The following AUTS2 variants were observed in gnomAD, a reference collection of about 807,000 sequenced individuals.
AUTS2 encodes activator of transcription and developmental regulator AUTS2, also known as autism susceptibility gene 2 protein.
In AUTS2, 17 loss-of-function variants were observed where a neutral mutation model predicts 112.4. The ratio of observed to expected loss-of-function variants is 0.15; its 90% CI spans 0.10 to 0.23. The LOEUF (loss-of-function observed/expected upper bound fraction) is 0.23, where lower values mean the gene tolerates loss of function less well. Ranked by LOEUF, AUTS2 falls within the 10% of genes least tolerant of loss-of-function variation. The pLI is 1.00. For synonymous variants in AUTS2, 751 were observed against 702.7 expected (o/e 1.07, Z -1.09); for missense variants, 1,510 against 1,701.6 (o/e 0.89, Z 1.98).
intron 5 of AUTS2, among the ~76,000 whole-genome samples, chr7:70,439,464 G>A (rs918879831): frequency 1.5e-4 from 22 of 151,514 alleles, no homozygotes; most frequent in African/African-American, 3.9e-4. Context: ...GCTTGAACCC[G>A]GGAGGCGGAA....
At chr7:70,227,733 A>G (rs1036161483) in intron 4 of AUTS2, among the ~76,000 whole-genome samples, 1 of 152,108 alleles carries the variant, frequency 6.6e-6, no homozygotes, top group Non-Finnish European at 1.5e-5. Flanking sequence ...ATATTTCAAA[A>G]TATTTGTGAA....
rs767148078 is a variant in AUTS2, at chr7:70,777,114, G to A, written c.1944G>A (p.Lys648=). 9.9e-6 allele frequency: 16 copies of A among 1,614,142 alleles called. No individual in the cohort carries two copies. The highest frequency in any genetic ancestry group is 1.4e-5 in the Non-Finnish European group (16 of 1,180,018). Residue 648 remains lysine, a synonymous_variant, in exon 14 of 19, where the codon AAG becomes AAA. Coordinates refer to ENST00000342771, the MANE Select transcript of AUTS2 (RefSeq NM_015570.4). The stretch of plus-strand genomic sequence containing the variant: ...CTTTCTTGTTCCAGAAACCAGGGAA[G>A]TGGTGTGCTATGCATGTTCACATCG... ...PFRPMLRKPG[K]WCAMHVHIAW...
chr7:70,693,955 G>GGAGGGGCGGC (rs1327819308), intron 5 of AUTS2: 4 of 151,980 alleles, frequency 2.6e-5, no homozygotes, highest in Non-Finnish European at 5.9e-5. Context: ...GGGGACGAGA[G>GGAGGGGCGGC]GAGGGGCGGC....
At chr7:70,391,509 A>C (rs1793855618) in intron 4 of AUTS2, among the ~76,000 whole-genome samples, 1 of 152,162 alleles carries the variant, frequency 6.6e-6, no homozygotes, top group Non-Finnish European at 1.5e-5. Context: ...TCAGGCCCTC[A>C]CAATAAGAGA....
chr7:70,018,458 G>C (rs892354147), intron 2 of AUTS2, among the ~76,000 whole-genome samples: 5 of 152,184 alleles, frequency 3.3e-5, no homozygotes, highest in Non-Finnish European at 7.4e-5. Flanking sequence ...GAAACCAAGA[G>C]TAGTTAGGTG....
At chr7:69,721,283 C>T (rs564565990) in intron 1 of AUTS2, among the ~76,000 whole-genome samples, 2 of 152,298 alleles carry the variant, frequency 1.3e-5, no homozygotes, top group South Asian at 2.1e-4. Flanking sequence ...CTAGAATGCT[C>T]TTACCCTCAA....
At chr7:70,626,688 C>T (rs1411284286) in intron 5 of AUTS2, among the ~76,000 whole-genome samples, 1 of 152,104 alleles carries the variant, frequency 6.6e-6, no homozygotes, top group East Asian at 1.9e-4. Flanking sequence ...CTCATAGACC[C>T]CAATGTCTAT....
At chr7:69,996,946 TAAAAAAAAA>T (rs1161825217) in intron 2 of AUTS2, among the ~76,000 whole-genome samples, 2 of 99,034 alleles carry the variant, frequency 2.0e-5, no homozygotes, top group Admixed American at 1.1e-4. Context: ...CTGGAACACT[TAAAAAAAAA>T]AAAAAAAAAG....
chr7:69,824,410 A>G (rs1791148109), intron 1 of AUTS2, among the ~76,000 whole-genome samples: 1 of 148,848 alleles, frequency 6.7e-6, no homozygotes, highest in Admixed American at 6.7e-5. Flanking sequence ...TTCTGTCTCA[A>G]AAAAAAAAAA....
At chr7:70,175,940 G>A (rs997340202) in intron 4 of AUTS2, among the ~76,000 whole-genome samples, 3 of 152,088 alleles carry the variant, frequency 2.0e-5, no homozygotes, top group African/African-American at 7.2e-5. Flanking sequence ...TCATTTTATT[G>A]TGGTGGTTTG....
At chr7:69,608,780 A>G (rs759623376) in intron 1 of AUTS2, among the ~76,000 whole-genome samples, 20 of 152,242 alleles carry the variant, frequency 1.3e-4, no homozygotes, top group Non-Finnish European at 2.4e-4. Context: ...ATGATTTTAT[A>G]TAGTTGACAT....
At chr7:70,118,087 C>A (rs1805477215) in intron 2 of AUTS2, 45 bp from the exon 3 acceptor site, 6 of 1,558,656 alleles carry the variant, frequency 3.8e-6, no homozygotes, top group Non-Finnish European at 5.2e-6. Context: ...AACTAAGAAG[C>A]AGACCACTAA....
At chr7:69,671,483 GCTGGTGTGTGT>G (rs753310402) in intron 1 of AUTS2, among the ~76,000 whole-genome samples, 78 of 135,966 alleles carry the variant, frequency 5.7e-4, no homozygotes, top group African/African-American at 2.0e-3. Flanking sequence ...TGCTGCTGCT[GCTGGTGTGTGT>G]GTGTGTGTGT....
At chr7:70,453,610 T>C (rs544681751) in intron 5 of AUTS2, among the ~76,000 whole-genome samples, 89 of 152,334 alleles carry the variant, frequency 5.8e-4, no homozygotes, top group Middle Eastern at 3.4e-3. Context: ...AGGGCCACAT[T>C]CCTCCCAGAC....
At chr7:70,781,495 A>T in intron 14 of AUTS2, 120 bp from the exon 15 acceptor site, 2 of 1,240,198 alleles carry the variant, frequency 1.6e-6, no homozygotes, top group Non-Finnish European at 2.2e-6. Context: ...GCTTTCTCTC[A>T]CAGTGTTTGT....
chr7:69,652,074 G>A (rs903406294), intron 1 of AUTS2, among the ~76,000 whole-genome samples: 19 of 152,254 alleles, frequency 1.2e-4, no homozygotes, highest in Non-Finnish European at 1.5e-4. Flanking sequence ...CAGCTTGTAG[G>A]AGACACCATA....
At chr7:69,839,888 G>A (rs577263748) in intron 1 of AUTS2, among the ~76,000 whole-genome samples, 9 of 152,206 alleles carry the variant, frequency 5.9e-5, no homozygotes, top group Admixed American at 1.3e-4. Context: ...GGAGGAGAGG[G>A]GGGATGGGGA....
intron 5 of AUTS2, among the ~76,000 whole-genome samples, chr7:70,545,125 G>C (rs1048452902): frequency 2.0e-5 from 3 of 152,210 alleles, no homozygotes; most frequent in Non-Finnish European, 4.4e-5. Flanking sequence ...TGAATTTCAA[G>C]TCTAGAAGAA....
chr7:70,660,787 C>T (rs1257650923), intron 5 of AUTS2, among the ~76,000 whole-genome samples: 1 of 152,184 alleles, frequency 6.6e-6, no homozygotes, highest in Non-Finnish European at 1.5e-5. Context: ...TCATGTCACC[C>T]CAGGCCACAC....
Sources: gnomAD v4.1 joint callset for allele counts (sites outside exome capture counted in the v4.1 genomes callset) on GRCh38, gnomAD v4.1.1 for gene constraint, MANE v1.5 for transcripts, NCBI Gene and HGNC (gene_info 2026-07-23, HGNC 2026-07-21) for gene names.